PROX1: variants seen among roughly 807,000 people sequenced by gnomAD.
PROX1 encodes the protein prospero homeobox 1.
In PROX1, 7 loss-of-function variants were observed where a neutral mutation model predicts 58.8. That is an observed-to-expected ratio of 0.12 (90% CI 0.07 to 0.22). The LOEUF (loss-of-function observed/expected upper bound fraction) is 0.22. Ranked by LOEUF, PROX1 falls within the 10% of genes least tolerant of loss-of-function variation. PROX1 has a pLI of 1.00. For missense variants in PROX1, 675 were observed against 927.8 expected (o/e 0.73, Z 3.54); for synonymous variants, 350 against 358.3 (o/e 0.98, Z 0.26).
chr1:214,016,639 T>C lies in PROX1; in HGVS notation c.2028+4924T>C, dbSNP rs111404125. On this transcript the variant is annotated intron_variant, in intron 4 of 4. Transcript: ENST00000366958. ...TTTAAGAGATCAAATGAATGTTCTCTAAATATATGTACACACATGGCTGCC... is the reference window on the plus strand; with the variant it reads ...TTTAAGAGATCAAATGAATGTTCTCCAAATATATGTACACACATGGCTGCC... 5.6e-3 allele frequency among the ~76,000 whole-genome samples: 850 copies of C among 152,364 alleles called. 5 individuals carry two copies. Among genetic ancestry groups the C allele is most frequent in the Non-Finnish European group, 9.8e-3 (670 of 68,042 alleles).
At chr1:214,016,756 G>A (rs781237831) in intron 4 of PROX1, among the ~76,000 whole-genome samples, 2 of 152,188 alleles carry the variant, frequency 1.3e-5, no homozygotes, top group African/African-American at 2.4e-5. Flanking sequence ...GAAGGGCTAG[G>A]GGGTGGAGTG....
upstream of PROX1, among the ~76,000 whole-genome samples, chr1:213,986,614 TTGATC>T (rs1208980998): frequency 1.3e-5 from 2 of 152,272 alleles, no homozygotes; most frequent in East Asian, 3.9e-4. Context: ...GATTCAACCT[TTGATC>T]TGATTAAATT....
At chr1:213,988,765 G>T (rs962820168) in intron 1 of PROX1, 2 of 152,496 alleles carry the variant, frequency 1.3e-5, no homozygotes, top group Admixed American at 6.6e-5. Flanking sequence ...TTTCCTGCTG[G>T]TGGCTGGGGG....
rs1321707181 is a variant in PROX1 at position 214,036,598 on chromosome 1, A to G, written c.*764A>G. The G allele has an allele frequency of 6.6e-6, 1 of 152,210 alleles. No individual in the cohort carries two copies. The highest frequency in any genetic ancestry group is 1.5e-5 in the Non-Finnish European group (1 of 68,036). 9.4% of individuals were successfully genotyped at this position (152,210 alleles called of 1,614,324 possible). ...TAAACTTGAAAATAGGTTCTTCTTC[A>G]TAAGTGAGCTTACATCATTCTTCAT... On this transcript the variant is annotated 3_prime_UTR_variant, in exon 5 of 5. Coordinates refer to ENST00000366958, the MANE Select transcript of PROX1 (RefSeq NM_001270616.2).
intron 1 of PROX1, among the ~76,000 whole-genome samples, chr1:213,992,179 G>A (rs964982169): frequency 6.6e-6 from 1 of 152,176 alleles, no homozygotes; most frequent in Non-Finnish European, 1.5e-5. Flanking sequence ...GGTGAAAAGT[G>A]TGTGGAATTT....
intron 4 of PROX1, among the ~76,000 whole-genome samples, chr1:214,013,040 T>G (rs185350907): frequency 1.1e-3 from 172 of 152,236 alleles, no homozygotes; most frequent in Non-Finnish European, 2.1e-3. Context: ...TAGTTTTTCT[T>G]TGAAAGTTTG....
intron 1 of PROX1, among the ~76,000 whole-genome samples, chr1:213,996,158 T>C (rs1349981640): frequency 6.6e-6 from 1 of 152,182 alleles, no homozygotes; most frequent in Non-Finnish European, 1.5e-5. Flanking sequence ...TCAGAGGCTG[T>C]GTTCTTATAA....
chr1:213,986,469 G>A (rs1354384073), upstream of PROX1: 2 of 151,966 alleles, frequency 1.3e-5, no homozygotes, highest in South Asian at 4.2e-4. Context: ...TTTACGGTTT[G>A]GTGAATTTGA....
rs145494727 is a variant in PROX1 at position 214,008,909 on chromosome 1, GAGA to G, written c.1834-2609_1834-2607del. Among the ~76,000 whole-genome samples, 595 of 152,310 alleles carry G rather than the reference GAGA, an allele frequency of 3.9e-3. 2 individuals carry two copies. The highest frequency in any genetic ancestry group is 0.014 in the African/African-American group (568 of 41,568). Reference sequence around the variant, plus strand: ...AGCTCATCGGGGCTACAAATCCTTTGAGAAGGACAAGTGGACAAATGTGAGAGA... The same window carrying G: ...AGCTCATCGGGGCTACAAATCCTTTGAGGACAAGTGGACAAATGTGAGAGA... On this transcript the variant is annotated intron_variant, in intron 3 of 4. Coordinates refer to ENST00000366958, the MANE Select transcript of PROX1 (RefSeq NM_001270616.2).
chr1:214,000,576 A>G (rs1402974757), intron 2 of PROX1, among the ~76,000 whole-genome samples: 3 of 152,178 alleles, frequency 2.0e-5, no homozygotes, highest in African/African-American at 7.2e-5. Context: ...TCTCGTGGCA[A>G]TTAGTGATTA....
rs1315447582 is a variant in PROX1 at position 213,996,504 on chromosome 1, G to A, written c.-32G>A. 1.3e-6 allele frequency: 2 copies of A among 1,583,932 alleles called. No homozygotes were observed. The highest frequency in any genetic ancestry group is 1.7e-6 in the Non-Finnish European group (2 of 1,162,016). On this transcript the variant is annotated 5_prime_UTR_variant, in exon 2 of 5. Transcript: ENST00000366958. ...TTCTTGAGCTGTGCCCAGCTGACGA[G>A]CTTTTGAAGATGGCACAATAACCGT... is the stretch of plus-strand genomic sequence containing the variant.
At chr1:214,001,189 C>T (rs1663498013) in intron 2 of PROX1, among the ~76,000 whole-genome samples, 1 of 152,060 alleles carries the variant, frequency 6.6e-6, no homozygotes, top group Non-Finnish European at 1.5e-5. Context: ...TCTACATTCA[C>T]CACATTAAAC....
In PROX1 at chr1:214,038,349, TGAC is replaced by T. The variant is rs1414756835; in HGVS notation, c.*2516_*2518del. ...TGTGCCTCCCAAGTGCATTGGAAAATGACAAAAGCCTGTCTCTCCAAATTCCTA... is the reference window on the plus strand; with the variant it reads ...TGTGCCTCCCAAGTGCATTGGAAAATAAAAGCCTGTCTCTCCAAATTCCTA... On this transcript the variant is annotated 3_prime_UTR_variant, in exon 5 of 5. Transcript: ENST00000366958. 1.3e-5 allele frequency: 2 copies of T among 152,148 alleles called. No individual in the cohort carries two copies. Among genetic ancestry groups the T allele is most frequent in the African/African-American group, 4.8e-5 (2 of 41,436 alleles). The allele number at this position is 152,148 out of a possible 1,614,324, so 9.4% of individuals were successfully genotyped here.
intron 4 of PROX1, among the ~76,000 whole-genome samples, chr1:214,024,057 T>C (rs547829877): frequency 1.2e-4 from 19 of 152,096 alleles, no homozygotes; most frequent in South Asian, 6.2e-4. Flanking sequence ...TACCTGAAAC[T>C]GCCTTTCAAC....
chr1:213,990,652 G>GAA (rs1295083022), intron 1 of PROX1, among the ~76,000 whole-genome samples: 2 of 132,668 alleles, frequency 1.5e-5, no homozygotes, highest in Non-Finnish European at 3.2e-5. Flanking sequence ...GAGAGAGAGA[G>GAA]AACTGTCGTG....
chr1:214,009,090 A>T (rs1158708579), intron 3 of PROX1, among the ~76,000 whole-genome samples: 1 of 152,220 alleles, frequency 6.6e-6, no homozygotes, highest in Non-Finnish European at 1.5e-5. Flanking sequence ...TCAAGCCGGC[A>T]GTGTTAAATG....
At chr1:214,022,394 T>C (rs572334958) in intron 4 of PROX1, among the ~76,000 whole-genome samples, 1 of 152,392 alleles carries the variant, frequency 6.6e-6, no homozygotes, top group African/African-American at 2.4e-5. Flanking sequence ...TGTTACCTTG[T>C]TGCTGTGACA....
Position 214,036,300 on chromosome 1 carries a change from A to C in PROX1, c.*466A>C, listed in dbSNP as rs1283211221. 1 of 152,400 alleles carries C rather than the reference A, an allele frequency of 6.6e-6. No individual in the cohort carries two copies. The highest frequency in any genetic ancestry group is 1.5e-5 in the Non-Finnish European group (1 of 68,186). 9.4% of individuals were successfully genotyped at this position (152,400 alleles called of 1,614,324 possible). On this transcript the variant is annotated 3_prime_UTR_variant, in exon 5 of 5. Coordinates refer to ENST00000366958, the MANE Select transcript of PROX1 (RefSeq NM_001270616.2). ...TGAAAATTTAATGAAACCACTTCAT[A>C]CATTTAAGTATTTTGTTTGGTTTGA...
upstream of PROX1, among the ~76,000 whole-genome samples, chr1:213,987,113 A>G (rs1662843134): frequency 6.6e-6 from 1 of 152,208 alleles, no homozygotes; most frequent in African/African-American, 2.4e-5. Flanking sequence ...TGCAACATAT[A>G]TATTTTTAAA....
Sources: gnomAD v4.1 joint callset for allele counts (sites outside exome capture counted in the v4.1 genomes callset) on GRCh38, gnomAD v4.1.1 for gene constraint, MANE v1.5 for transcripts, NCBI Gene and HGNC (gene_info 2026-07-23, HGNC 2026-07-21) for gene names.